The following ACTN1 variants were observed in gnomAD, a reference collection of about 807,000 sequenced individuals.
ACTN1 encodes the protein actinin alpha 1, also known as alpha-actinin-1.
A neutral mutation model predicts 119.6 loss-of-function variants in ACTN1; 30 were observed. The ratio of observed to expected loss-of-function variants is 0.25; its 90% CI spans 0.19 to 0.34. The LOEUF (loss-of-function observed/expected upper bound fraction) is 0.34. ACTN1 is among the 10% of genes least tolerant of loss of function. ACTN1 has a pLI of 1.00. For missense variants in ACTN1, 764 were observed against 1,223.4 expected (o/e 0.62, Z 5.60); for synonymous variants, 429 against 472.6 (o/e 0.91, Z 1.20).
chr14:68,949,035 G>A (rs960424318), intron 1 of ACTN1, among the ~76,000 whole-genome samples: 1 of 152,228 alleles, frequency 6.6e-6, no homozygotes, highest in South Asian at 2.1e-4. Context: ...ATCAGGACAG[G>A]AGCTCCTGCT....
chr14:68,887,976 T>C (rs1414249832), intron 11 of ACTN1: 3 of 777,906 alleles, frequency 3.9e-6, no homozygotes, highest in African/African-American at 3.4e-5. Flanking sequence ...GCTGCGTTTT[T>C]CGGCTTCGCT....
intron 1 of ACTN1, among the ~76,000 whole-genome samples, chr14:68,968,874 G>C (rs936557890): frequency 2.6e-5 from 4 of 152,234 alleles, no homozygotes; most frequent in Admixed American, 1.3e-4. Context: ...GCTGCTGCTG[G>C]GGGCAGGGCA....
chr14:68,905,918 G>C (rs1456187387), intron 6 of ACTN1, among the ~76,000 whole-genome samples: 2 of 151,690 alleles, frequency 1.3e-5, no homozygotes, highest in South Asian at 2.1e-4. Flanking sequence ...GGGAGGCAGA[G>C]GTTGCAATGA....
intron 1 of ACTN1, among the ~76,000 whole-genome samples, chr14:68,960,748 TAA>T (rs11332256): frequency 1.1e-3 from 159 of 141,616 alleles, no homozygotes; most frequent in South Asian, 1.4e-3. Flanking sequence ...CTATCTCTAT[TAA>T]AAAAAAAAAA....
intron 1 of ACTN1, chr14:68,936,808 C>T: frequency 1.7e-6 from 1 of 604,206 alleles, no homozygotes; most frequent in East Asian, 4.2e-5. Flanking sequence ...GGTGCCAACG[C>T]CAAGCAATCC....
Position 68,885,378 on chromosome 14 carries a change from C to A in ACTN1, c.1385+47G>T, listed in dbSNP as rs1240654144. 2 of 1,561,706 alleles carry A rather than the reference C, an allele frequency of 1.3e-6. No individual in the cohort carries two copies. The highest frequency in any genetic ancestry group is 1.8e-5 in the Admixed American group (1 of 55,590). On this transcript the variant is annotated intron_variant, in intron 12 of 21. Transcript: ENST00000394419. This position sits in a 1 kb window ranked among gnomAD's most constrained non-coding sequence, Gnocchi z 5.6. The stretch of plus-strand genomic sequence containing the variant: ...ACCTCCCCCAGCAGCTGAGAAAGCC[C>A]AGCCTCAGCCCCTCACCACAGGGTA...
chr14:68,929,500 T>G (rs1358625885), intron 1 of ACTN1, among the ~76,000 whole-genome samples: 1 of 152,062 alleles, frequency 6.6e-6, no homozygotes, highest in Non-Finnish European at 1.5e-5. Flanking sequence ...TGGCCTCCCC[T>G]CACCCCAAGA....
At chr14:68,917,610 C>T (rs991527299) in intron 3 of ACTN1, among the ~76,000 whole-genome samples, 8 of 152,326 alleles carry the variant, frequency 5.3e-5, no homozygotes, top group East Asian at 1.9e-4. Context: ...GCCCACAAAA[C>T]GCCATTTGCT....
In ACTN1 at chr14:68,884,145, C is replaced by T. The variant is rs753104143; in HGVS notation, c.1635+23G>A. ...CAGGGGCCCCAGGGGAGCCAGCCTC[C>T]GGGGAGTGGAGGTGGGGCTCACCTG... On this transcript the variant is annotated intron_variant, in intron 14 of 21. Coordinates refer to ENST00000394419, the MANE Select transcript of ACTN1 (RefSeq NM_001130004.2). 66 of 1,601,328 alleles carry T rather than the reference C, an allele frequency of 4.1e-5. No individual in the cohort carries two copies. The Admixed American group carries it at 9.1e-4, about 22-fold the overall frequency.
intron 4 of ACTN1, among the ~76,000 whole-genome samples, chr14:68,911,212 T>C (rs1234276741): frequency 6.6e-6 from 1 of 152,260 alleles, no homozygotes; most frequent in Non-Finnish European, 1.5e-5. Flanking sequence ...TGCTTCTACT[T>C]AGCTTAAGCT....
intron 11 of ACTN1, chr14:68,886,994 T>C (rs1041483713): frequency 6.5e-6 from 1 of 153,108 alleles, no homozygotes; most frequent in African/African-American, 2.4e-5. Context: ...TTTTAATAAT[T>C]GAGATTTTAT....
At chr14:68,899,936 G>T (rs1442313734) in intron 8 of ACTN1, among the ~76,000 whole-genome samples, 1 of 152,194 alleles carries the variant, frequency 6.6e-6, no homozygotes, top group Non-Finnish European at 1.5e-5. Context: ...TGGCTGCGAG[G>T]GGCCAGGGGA....
At chr14:68,920,752 A>C (rs2034597154) in intron 3 of ACTN1, among the ~76,000 whole-genome samples, 1 of 152,192 alleles carries the variant, frequency 6.6e-6, no homozygotes, top group Non-Finnish European at 1.5e-5. Flanking sequence ...GACTCCACAG[A>C]GCAAGGACGT....
At chr14:68,902,328 G>C in intron 8 of ACTN1, 149 bp downstream of exon 8, 1 of 671,048 alleles carries the variant, frequency 1.5e-6, no homozygotes, top group Non-Finnish European at 2.6e-6. Context: ...AGAACAACAC[G>C]CCACTTCAGA....
At chr14:68,901,604 T>G (rs2033338266) in intron 8 of ACTN1, among the ~76,000 whole-genome samples, 2 of 151,162 alleles carry the variant, frequency 1.3e-5, no homozygotes, top group Non-Finnish European at 3.0e-5. Flanking sequence ...GAGATCTGCA[T>G]GAGACGTGAA....
chr14:68,922,068 G>C (rs1028324833), intron 2 of ACTN1, among the ~76,000 whole-genome samples: 9 of 152,188 alleles, frequency 5.9e-5, no homozygotes, highest in African/African-American at 2.2e-4. Context: ...TAGGGAAGGG[G>C]TATATAGCTT....
chr14:68,877,529 T>C, intron 20 of ACTN1: 4 of 402,638 alleles, frequency 9.9e-6, no homozygotes, highest in Non-Finnish European at 1.8e-5. Flanking sequence ...CTGACACCTA[T>C]GTAGCATATC....
In ACTN1 at chr14:68,885,520, G is replaced by C; in HGVS notation, c.1290C>G (p.Ile430Met). 1.2e-6 allele frequency: 2 copies of C among 1,614,094 alleles called. No individual in the cohort carries two copies. Among genetic ancestry groups the C allele is most frequent in the Non-Finnish European group, 1.7e-6 (2 of 1,180,012 alleles). The stretch of plus-strand genomic sequence containing the variant: ...CCTCATGCTTCTTGAGCAGGGCCTT[G>C]ATCTCCGAGAGGGTGGCGGTCTCAT... Reference protein sequence around the residue: ...KDYETATLSEIKALLKKHEAF... With the variant: ...KDYETATLSEMKALLKKHEAF... The change falls in exon 12 of 22, where the codon ATC becomes ATG. Residue 430 changes from isoleucine to methionine, a missense_variant. Ile to Met is a conservative substitution (Grantham distance 10, BLOSUM62 1). Coordinates refer to ENST00000394419, the MANE Select transcript of ACTN1 (RefSeq NM_001130004.2). This position sits in a 1 kb window ranked among gnomAD's most constrained non-coding sequence, Gnocchi z 5.6.
chr14:68,933,982 A>G (rs1594839039), intron 1 of ACTN1, among the ~76,000 whole-genome samples: 1 of 70,076 alleles, frequency 1.4e-5, no homozygotes, highest in Non-Finnish European at 3.4e-5. Flanking sequence ...TGTCTCAAGA[A>G]AAAAAAAAAA....
Sources: allele counts gnomAD v4.1 joint callset (sites outside exome capture counted in the v4.1 genomes callset), GRCh38; gene constraint gnomAD v4.1.1; non-coding constraint Gnocchi (gnomAD v3.1); transcripts MANE v1.5; gene names NCBI Gene and HGNC (gene_info 2026-07-23, HGNC 2026-07-21).